The following ENAM variants were observed in gnomAD, a reference collection of about 807,000 sequenced individuals.
ENAM encodes the protein enamelin.
In ENAM, 21 loss-of-function variants were observed where a neutral mutation model predicts 33.6. That is an observed-to-expected ratio of 0.63 (90% CI 0.44 to 0.90). ENAM has a LOEUF of 0.90. ENAM is among the 40% of genes least tolerant of loss of function. The pLI is 0.00. For missense variants in ENAM, 1,388 were observed against 1,366.9 expected, an observed-to-expected ratio of 1.02 and a Z score of -0.24; for synonymous variants, 473 against 468.4, an observed-to-expected ratio of 1.01 and a Z score of -0.13.
intron 6 of ENAM, 64 bp downstream of exon 6, chr4:70,634,632 C>A: frequency 6.8e-7 from 1 of 1,478,722 alleles, no homozygotes; most frequent in Non-Finnish European, 9.5e-7. Context: ...GAGGGCCATG[C>A]CACCCCCATA....
At chr4:70,634,191 G>T (rs1041637100) in intron 5 of ENAM, 117 bp from the exon 6 acceptor site, 7 of 985,144 alleles carry the variant, frequency 7.1e-6, no homozygotes, top group Admixed American at 1.7e-5. Flanking sequence ...CCATAGTTAA[G>T]TCAAGTTCCA....
At chr4:70,637,558 G>GA in intron 7 of ENAM, 1 of 548,518 alleles carries the variant, frequency 1.8e-6, no homozygotes, top group Non-Finnish European at 3.3e-6. Context: ...AGTATTTTAA[G>GA]TAGGATAATC....
rs886059580 is a variant in ENAM, at chr4:70,628,807, A to G, written c.-218A>G. ...CTGAGTGAAGAATTTTTGTTTTATT[A>G]TTAAGAAATAAATGTATCTTGCTTC... On this transcript the variant is annotated 5_prime_UTR_variant, in exon 1 of 9. Transcript: ENST00000396073. 6.6e-6 allele frequency: 1 copy of G among 152,242 alleles called. No homozygotes were observed. Among genetic ancestry groups the G allele is most frequent in the South Asian group, 2.1e-4 (1 of 4,828 alleles). The allele number at this position is 152,242 out of a possible 1,614,324, so 9.4% of individuals were successfully genotyped here. A position where few individuals can be genotyped will look rare whatever the true frequency, so the allele number is the denominator to read the frequency against.
In ENAM at chr4:70,644,505, G is replaced by A. The variant is rs746193419; in HGVS notation, c.3079G>A (p.Gly1027Ser). The part of the protein sequence containing the change: ...EQLVIGTPDE[G>S]SNPEGIQSQV... ...GCTTGTTATTGGTACACCTGATGAA[G>A]GCTCCAATCCAGAAGGCATCCAAAG... The change falls in exon 9 of 9, where the codon GGC becomes AGC. Residue 1027 changes from glycine to serine, a missense_variant. By Grantham distance (56) the Gly-to-Ser change is moderately conservative. Transcript: ENST00000396073. The A allele has an allele frequency of 3.1e-6, 5 of 1,614,148 alleles. No individual in the cohort carries two copies. The highest frequency in any genetic ancestry group is 2.2e-5 in the South Asian group (2 of 91,078).
Position 70,628,823 on chromosome 4 carries a change from A to G in ENAM, c.-202A>G, listed in dbSNP as rs1738239025. ...TGTTTTATTATTAAGAAATAAATGTATCTTGCTTCTTGAGATCTCCCTGGC... is the reference window on the plus strand; with the variant it reads ...TGTTTTATTATTAAGAAATAAATGTGTCTTGCTTCTTGAGATCTCCCTGGC... On this transcript the variant is annotated 5_prime_UTR_variant, in exon 1 of 9. Transcript: ENST00000396073. The G allele has an allele frequency of 6.6e-6, 1 of 152,122 alleles. No homozygotes were observed. Among genetic ancestry groups the G allele is most frequent in the African/African-American group, 2.4e-5 (1 of 41,456 alleles). The allele number at this position is 152,122 out of a possible 1,614,324, so 9.4% of individuals were successfully genotyped here.
chr4:70,636,799 T>A (rs1738462830), intron 7 of ENAM, among the ~76,000 whole-genome samples: 1 of 151,456 alleles, frequency 6.6e-6, no homozygotes, highest in African/African-American at 2.4e-5. Flanking sequence ...TTGCAAAATA[T>A]TGTTTACAAG....
chr4:70,644,624 C>T lies in ENAM; in HGVS notation c.3198C>T (p.His1066=). 3 of 1,613,872 alleles carry T rather than the reference C, an allele frequency of 1.9e-6. No homozygotes were observed. Among genetic ancestry groups the T allele is most frequent in the Middle Eastern group, 3.3e-4 (2 of 6,060 alleles). ...PCFGSKLAKH[H]SSTTGTPSSD... is the part of the protein sequence containing the mutation. ...TTGGCTCCAAATTAGCAAAGCATCA[C>T]TCTTCCACCACCGGAACTCCATCTA... Residue 1066 remains histidine (H), a synonymous_variant, in exon 9 of 9, where the codon CAC becomes CAT. Transcript: ENST00000396073.
chr4:70,644,449 A>G lies in ENAM; in HGVS notation c.3023A>G (p.Asn1008Ser), dbSNP rs200932780. The change falls in exon 9 of 9, where the codon AAT (asparagine) becomes AGT (serine). Residue 1008 changes from asparagine to serine, a missense_variant. Coordinates refer to ENST00000396073, the MANE Select transcript of ENAM (RefSeq NM_031889.3). ...CAAGTTTTTGAAGACAACCAGCTCA[A>G]TGAAAGAACTGTTGACCTTACTCCT... ...LEQVFEDNQL[N>S]ERTVDLTPEQ... 6.9e-5 allele frequency: 111 copies of G among 1,614,156 alleles called. No individual in the cohort carries two copies. The highest frequency in any genetic ancestry group is 1.6e-4 in the Middle Eastern group (1 of 6,062).
chr4:70,642,875 A>G lies in ENAM; in HGVS notation c.1449A>G (p.Pro483=). The G allele has an allele frequency of 6.2e-6, 10 of 1,614,138 alleles. No individual in the cohort carries two copies. Among genetic ancestry groups the G allele is most frequent in the Non-Finnish European group, 8.5e-6 (10 of 1,180,006 alleles). The change falls in exon 9 of 9, where the codon CCA becomes CCG. Residue 483 remains proline, a synonymous_variant. Coordinates refer to ENST00000396073, the MANE Select transcript of ENAM (RefSeq NM_031889.3). ...ACTCTGAGGGTTATATGCCAGTCCC[A>G]AATTTTAATTCTGTTGATCAACATG... ...LPHSEGYMPV[P]NFNSVDQHEN...
Position 70,631,670 on chromosome 4 carries a change from G to C in ENAM, c.55G>C (p.Val19Leu). ...GTSFPKLDNL[V>L]PKGKMKILLV... ...AATAAAAATCAATTTTTTATTCTAGGTACCAAAAGGCAAAATGAAGATTCT... is the reference window on the plus strand; with the variant it reads ...AATAAAAATCAATTTTTTATTCTAGCTACCAAAAGGCAAAATGAAGATTCT... Residue 19 changes from valine to leucine, a missense_variant and splice_region_variant, in exon 3 of 9, where the codon GTA becomes CTA. Val to Leu is a conservative substitution (Grantham distance 32, BLOSUM62 1). Transcript: ENST00000396073. 1 of 1,609,896 alleles carries C rather than the reference G, an allele frequency of 6.2e-7. No homozygotes were observed. Among genetic ancestry groups the C allele is most frequent in the Non-Finnish European group, 8.5e-7 (1 of 1,176,196 alleles).
intron 8 of ENAM, among the ~76,000 whole-genome samples, chr4:70,640,912 C>G (rs879139478): frequency 6.6e-6 from 1 of 152,152 alleles, no homozygotes; most frequent in Admixed American, 6.5e-5. Context: ...CATATACCCA[C>G]TCTCAGCCTC....
In ENAM at chr4:70,642,805, A is replaced by G. The variant is rs201910915; in HGVS notation, c.1379A>G (p.Asn460Ser). ...AAGAATCCAACCAGCCCCTGGAGAA[A>G]CTCTCAACAGTATGAAGTTAATAAA... The part of the protein sequence containing the change: ...PTKNPTSPWR[N>S]SQQYEVNKSN... The change falls in exon 9 of 9, where the codon AAC becomes AGC. Residue 460 changes from asparagine to serine, a missense_variant. Physicochemically the swap from Asn to Ser is conservative, Grantham distance 46. Coordinates refer to ENST00000396073, the MANE Select transcript of ENAM (RefSeq NM_031889.3). 970 of 1,613,926 alleles carry G rather than the reference A, an allele frequency of 6.0e-4. No homozygotes were observed. Among genetic ancestry groups the G allele is most frequent in the Non-Finnish European group, 8.1e-4 (958 of 1,180,000 alleles).
intron 7 of ENAM, 79 bp from the exon 8 acceptor site, chr4:70,637,711 A>G: frequency 9.4e-7 from 1 of 1,064,856 alleles, no homozygotes; most frequent in South Asian, 1.2e-5. Context: ...AGCTATTTTT[A>G]GACACCCTGA....
chr4:70,631,756 G>A lies in ENAM; in HGVS notation c.123+18G>A, dbSNP rs892025092. The A allele has an allele frequency of 2.5e-6, 4 of 1,609,886 alleles. No homozygotes were observed. Among genetic ancestry groups the A allele is most frequent in the Non-Finnish European group, 3.4e-6 (4 of 1,176,304 alleles). On this transcript the variant is annotated intron_variant, in intron 3 of 8. Coordinates refer to ENST00000396073, the MANE Select transcript of ENAM (RefSeq NM_031889.3). Reference sequence around the variant, plus strand: ...CTATGCCAGTGAGTATTTTTTAAATGTTAGCTCTTCTCTTTGTGTTCCGTT... The same window carrying A: ...CTATGCCAGTGAGTATTTTTTAAATATTAGCTCTTCTCTTTGTGTTCCGTT...
Position 70,631,718 on chromosome 4 carries a change from G to C in ENAM, c.103G>C (p.Gly35Arg), listed in dbSNP as rs1291159123. Residue 35 changes from glycine (G) to arginine (R), a missense_variant, in exon 3 of 9, where the codon GGT becomes CGT. Coordinates refer to ENST00000396073, the MANE Select transcript of ENAM (RefSeq NM_031889.3). ...KILLVFLGLL[G>R]NSVAMPMHMP... Reference sequence around the variant, plus strand: ...TCTCCTGGTCTTTCTAGGGCTTCTTGGTAATTCTGTTGCTATGCCAGTGAG... The same window carrying C: ...TCTCCTGGTCTTTCTAGGGCTTCTTCGTAATTCTGTTGCTATGCCAGTGAG... 6.2e-7 allele frequency: 1 copy of C among 1,613,462 alleles called. No homozygotes were observed. Among genetic ancestry groups the C allele is most frequent in the East Asian group, 2.2e-5 (1 of 44,864 alleles).
chr4:70,634,482 CA>C lies in ENAM; in HGVS notation c.386del (p.Gln129ArgfsTer11). 6.2e-7 allele frequency: 1 copy of C among 1,614,116 alleles called. No homozygotes were observed. On this transcript the variant is annotated frameshift_variant, in exon 6 of 9. Coordinates refer to ENST00000396073, the MANE Select transcript of ENAM (RefSeq NM_031889.3). LOFTEE classifies it high-confidence loss of function. Reference sequence around the variant, plus strand: ...AGAAACCCAGAAACCCAACCAGACTCAGTCAAAAAAGCCACCACAAAAGCGG... The same window carrying C: ...AGAAACCCAGAAACCCAACCAGACTCGTCAAAAAAGCCACCACAAAAGCGG... ...TQETQKPNQT[Q>X]SKKPPQKRPL...
In ENAM at chr4:70,628,847, G is replaced by C. The variant is rs941921398; in HGVS notation, c.-178G>C. On this transcript the variant is annotated 5_prime_UTR_variant, in exon 1 of 9. Coordinates refer to ENST00000396073, the MANE Select transcript of ENAM (RefSeq NM_031889.3). The stretch of plus-strand genomic sequence containing the variant: ...TATCTTGCTTCTTGAGATCTCCCTG[G>C]CTTCAGCAATTTGTAGTTATTTCCA... 6.6e-6 allele frequency: 1 copy of C among 152,012 alleles called. No homozygotes were observed. Among genetic ancestry groups the C allele is most frequent in the African/African-American group, 2.4e-5 (1 of 41,386 alleles). 9.4% of individuals were successfully genotyped at this position (152,012 alleles called of 1,614,324 possible).
In ENAM at chr4:70,634,420, C is replaced by T; in HGVS notation, c.323C>T (p.Ser108Leu). 1 of 1,614,136 alleles carries T rather than the reference C, an allele frequency of 6.2e-7. No individual in the cohort carries two copies. Among genetic ancestry groups the T allele is most frequent in the Non-Finnish European group, 8.5e-7 (1 of 1,180,022 alleles). The change falls in exon 6 of 9, where the codon TCA becomes TTA. Residue 108 changes from serine to leucine, a missense_variant. By Grantham distance (145) the Ser-to-Leu change is moderately radical. Transcript: ENST00000396073. ...PPNTWHPRKS[S>L]APKRHNKTDQ... ...AACACATGGCATCCACGGAAATCCT[C>T]AGCACCCAAACGTCATAACAAGACT...
rs772524304 is a variant in ENAM at position 70,634,495 on chromosome 4, C to T, written c.398C>T (p.Pro133Leu). 8 of 1,613,982 alleles carry T rather than the reference C, an allele frequency of 5.0e-6. No homozygotes were observed. In the South Asian group the frequency reaches 8.8e-5, roughly 18 times the overall value. The stretch of plus-strand genomic sequence containing the variant: ...CCCAACCAGACTCAGTCAAAAAAGC[C>T]ACCACAAAAGCGGCCTTTGAAGCAG... The part of the protein sequence containing the change: ...QKPNQTQSKK[P>L]PQKRPLKQPS... The change falls in exon 6 of 9, where the codon CCA (proline) becomes CTA (leucine). Residue 133 changes from proline to leucine, a missense_variant. By Grantham distance (98) the Pro-to-Leu change is moderately conservative (BLOSUM62 -3). Transcript: ENST00000396073.
Sources: gnomAD v4.1 joint callset for allele counts (sites outside exome capture counted in the v4.1 genomes callset) on GRCh38, gnomAD v4.1.1 for gene constraint, MANE v1.5 for transcripts, NCBI Gene and HGNC (gene_info 2026-07-23, HGNC 2026-07-21) for gene names.